VPS37A: variants seen among roughly 807,000 people sequenced by gnomAD.
The protein encoded by VPS37A is vacuolar protein sorting-associated protein 37A.
VPS37A carries 30 observed loss-of-function variants against 49.8 expected under a neutral mutation model. The observed-to-expected ratio is 0.60, with a 90% CI of 0.45 to 0.82. The LOEUF (loss-of-function observed/expected upper bound fraction) is 0.82, where lower values mean the gene tolerates loss of function less well. Ranked by LOEUF, VPS37A falls within the 40% of genes least tolerant of loss-of-function variation. The pLI, the probability that VPS37A is intolerant of heterozygous loss-of-function variation, is 0.00. For missense variants in VPS37A, 593 were observed against 464.4 expected (o/e 1.28, Z -2.55); for synonymous variants, 195 against 160.6 (o/e 1.21, Z -1.62).
intron 4 of VPS37A, among the ~76,000 whole-genome samples, chr8:17,272,974 A>G (rs1300002531): frequency 2.8e-5 from 3 of 108,978 alleles, no homozygotes; most frequent in African/African-American, 1.1e-4. Context: ...TATATATAGT[A>G]TTGTATTTTC....
the VPS37A span, among the ~76,000 whole-genome samples, chr8:17,317,949 G>T: frequency 3.7e-4 from 56 of 152,170 alleles, no homozygotes; most frequent in African/African-American, 1.3e-3. Context: ...TGGGAAGTCA[G>T]GAGGAGGTGG....
At chr8:17,310,445 T>A in the VPS37A span, among the ~76,000 whole-genome samples, 4 of 152,204 alleles carry the variant, frequency 2.6e-5, no homozygotes, top group African/African-American at 9.6e-5. Context: ...TTTCTTTGGG[T>A]TGTAAGTTTA....
the VPS37A span, among the ~76,000 whole-genome samples, chr8:17,325,036 A>G: frequency 2.0e-5 from 3 of 152,130 alleles, no homozygotes; most frequent in African/African-American, 4.8e-5. Flanking sequence ...GGCTGAGTCC[A>G]TCTTCCATTT....
chr8:17,330,619 G>A, the VPS37A span, among the ~76,000 whole-genome samples: 2 of 152,166 alleles, frequency 1.3e-5, no homozygotes, highest in Non-Finnish European at 2.9e-5. Flanking sequence ...TAAGTCTGTG[G>A]GTACGTGTCT....
downstream of VPS37A, chr8:17,302,299 C>A (rs759903186): frequency 6.2e-7 from 1 of 1,610,930 alleles, no homozygotes; most frequent in Non-Finnish European, 8.5e-7. Context: ...GATGGCAAAG[C>A]GTCGTGATAC....
the VPS37A span, chr8:17,326,415 G>A: frequency 9.2e-5 from 14 of 152,322 alleles, 1 homozygote; most frequent in South Asian, 2.9e-3. Context: ...TCATTACGAT[G>A]TGAGGTGGTT....
chr8:17,300,490 C>T (rs1435089106), downstream of VPS37A, among the ~76,000 whole-genome samples: 1 of 152,094 alleles, frequency 6.6e-6, no homozygotes, highest in South Asian at 2.1e-4. Context: ...ACCCAGTGAA[C>T]CCTAGTCTCC....
the VPS37A span, among the ~76,000 whole-genome samples, chr8:17,321,049 G>C: frequency 6.6e-6 from 1 of 152,076 alleles, no homozygotes; most frequent in African/African-American, 2.4e-5. Flanking sequence ...ATAGGGCTTA[G>C]GGCTAGTTAG....
At chr8:17,332,633 A>G in the VPS37A span, among the ~76,000 whole-genome samples, 1 of 152,228 alleles carries the variant, frequency 6.6e-6, no homozygotes, top group Non-Finnish European at 1.5e-5. Flanking sequence ...CCAGCATCAC[A>G]AGAGAAGTAC....
the VPS37A span, chr8:17,331,333 T>C: frequency 3.9e-6 from 6 of 1,528,470 alleles, no homozygotes; most frequent in Non-Finnish European, 5.2e-6. Context: ...GATGAAACAA[T>C]GATGAAACAA....
intron 11 of VPS37A, among the ~76,000 whole-genome samples, chr8:17,288,673 A>G (rs553295854): frequency 2.0e-5 from 3 of 152,208 alleles, no homozygotes; most frequent in South Asian, 2.1e-4. Flanking sequence ...TAGTGCTGCA[A>G]TAAACATACG....
chr8:17,309,002 G>T, the VPS37A span, among the ~76,000 whole-genome samples: 6 of 152,198 alleles, frequency 3.9e-5, no homozygotes, highest in Admixed American at 3.9e-4. Flanking sequence ...AATGGCAGGA[G>T]GAAGGGAAGG....
chr8:17,263,646 A>C (rs1241946204), intron 1 of VPS37A, among the ~76,000 whole-genome samples: 1 of 152,204 alleles, frequency 6.6e-6, no homozygotes, highest in Non-Finnish European at 1.5e-5. Context: ...TTTCAATGAA[A>C]ATTTTCTATA....
the VPS37A span, among the ~76,000 whole-genome samples, chr8:17,330,359 A>G: frequency 6.6e-6 from 1 of 152,204 alleles, no homozygotes; most frequent in Admixed American, 6.5e-5. Flanking sequence ...CAGTGCATGG[A>G]CAGCCAAGGC....
intron 1 of VPS37A, among the ~76,000 whole-genome samples, chr8:17,251,347 T>C (rs916227363): frequency 5.9e-5 from 9 of 152,250 alleles, no homozygotes; most frequent in African/African-American, 2.2e-4. Flanking sequence ...GATCCTCCAA[T>C]TCCTATCTGT....
intron 1 of VPS37A, among the ~76,000 whole-genome samples, chr8:17,255,824 G>A (rs189449032): frequency 1.3e-4 from 20 of 152,160 alleles, no homozygotes; most frequent in African/African-American, 3.9e-4. Flanking sequence ...GTCACTTAAC[G>A]TAATGACTTC....
the VPS37A span, among the ~76,000 whole-genome samples, chr8:17,325,063 GC>G: frequency 1.1e-4 from 17 of 152,040 alleles, no homozygotes; most frequent in Non-Finnish European, 4.4e-5. Context: ...GGTTGAATTA[GC>G]CAGCACTCCA....
At chr8:17,309,780 C>G in the VPS37A span, among the ~76,000 whole-genome samples, 4 of 152,268 alleles carry the variant, frequency 2.6e-5, no homozygotes, top group South Asian at 2.1e-4. Flanking sequence ...TGCTGCCTCT[C>G]AGTGTAATGT....
At chr8:17,311,647 C>T in the VPS37A span, 3 of 1,613,952 alleles carry the variant, frequency 1.9e-6, no homozygotes, top group Non-Finnish European at 8.5e-7. Flanking sequence ...CTAGAAAACA[C>T]ACGATCCGCA....
Sources: allele counts gnomAD v4.1 joint callset (sites outside exome capture counted in the v4.1 genomes callset), GRCh38; gene constraint gnomAD v4.1.1; transcripts MANE v1.5; gene names NCBI Gene and HGNC (gene_info 2026-07-23, HGNC 2026-07-21).